Variants in BRAT1 observed in about 807,000 individuals in gnomAD.
The protein encoded by BRAT1 is BRCA1 associated ATM activator 1, also known as integrator complex assembly factor BRAT1.
A neutral mutation model predicts 70.6 loss-of-function variants in BRAT1; 74 were observed. The ratio of observed to expected loss-of-function variants is 1.05; its 90% CI spans 0.87 to 1.27. BRAT1 has a LOEUF of 1.27. Among genes scored for constraint, BRAT1 ranks in the 50% most tolerant of loss-of-function variants. BRAT1 has a pLI of 0.00. For missense variants in BRAT1, 1,203 were observed against 1,098.2 expected, an observed-to-expected ratio of 1.10 and a Z score of -1.35; for synonymous variants, 615 against 517.1, an observed-to-expected ratio of 1.19 and a Z score of -2.57.
In BRAT1 at chr7:2,547,379, G is replaced by A; in HGVS notation, c.227C>T (p.Ser76Leu). The A allele has an allele frequency of 6.2e-7, 1 of 1,614,146 alleles. No individual in the cohort carries two copies. Among genetic ancestry groups the A allele is most frequent in the Non-Finnish European group, 8.5e-7 (1 of 1,180,032 alleles). ...QDLSSGVLSF[S>L]LRLAGTFAAQ... ...TGCGAAGGTTCCTGCCAGGCGCAGT[G>A]AGAAGGAGAGGACCCCAGAACTCAG... Residue 76 changes from serine to leucine, a missense_variant, in exon 3 of 14, where the codon TCA (serine) becomes TTA (leucine). Physicochemically the swap from Ser to Leu is moderately radical, Grantham distance 145. Coordinates refer to ENST00000340611, the MANE Select transcript of BRAT1 (RefSeq NM_152743.4).
chr7:2,541,566 G>C, intron 8 of BRAT1, 82 bp from the exon 9 acceptor site: 1 of 1,472,402 alleles, frequency 6.8e-7, no homozygotes, highest in Non-Finnish European at 9.1e-7. Context: ...CGAGGCATGT[G>C]GGGCGGGGGA....
At chr7:2,542,332 C>G in intron 6 of BRAT1, 121 bp from the exon 7 acceptor site, 2 of 820,374 alleles carry the variant, frequency 2.4e-6, no homozygotes, top group South Asian at 3.1e-5. Flanking sequence ...CCCCGAGAAA[C>G]ATTCTCTGCA....
At position 2,543,412 on chromosome 7, in the gene BRAT1, G is replaced by T; in HGVS notation, c.804-89C>A. On this transcript the variant is annotated intron_variant, in intron 5 of 13. Transcript: ENST00000340611. The surrounding 1 kb of genome is among the most constrained non-coding windows in gnomAD (Gnocchi z 5.5). ...CTGAGACTGCCATGGCTCCGGCACT[G>T]GAGGCGCCCAGCCCAAGACAGGCCT... 1.3e-6 allele frequency: 2 copies of T among 1,498,488 alleles called. No homozygotes were observed. The highest frequency in any genetic ancestry group is 1.8e-6 in the Non-Finnish European group (2 of 1,126,866). The allele number at this position is 1,498,488 out of a possible 1,614,324, so 92.8% of individuals were successfully genotyped here.
At position 2,538,251 on chromosome 7, in the gene BRAT1, G is replaced by T; in HGVS notation, c.2284C>A (p.Gln762Lys). 6.2e-7 allele frequency: 1 copy of T among 1,610,552 alleles called. No homozygotes were observed. The highest frequency in any genetic ancestry group is 1.7e-5 in the Admixed American group (1 of 59,930). ...TCAGGCTCCTGGTCCCCTGGGGGCTGGGCCTGCTCACCCGCCCGCCACCTC... is the reference window on the plus strand; with the variant it reads ...TCAGGCTCCTGGTCCCCTGGGGGCTTGGCCTGCTCACCCGCCCGCCACCTC... ...LPRWRAGEQAQPPGDQEPEAV... is the reference protein window; with the variant it reads ...LPRWRAGEQAKPPGDQEPEAV... Residue 762 changes from glutamine to lysine, a missense_variant, in exon 14 of 14, where the codon CAG becomes AAG. Coordinates refer to ENST00000340611, the MANE Select transcript of BRAT1 (RefSeq NM_152743.4).
Position 2,543,838 on chromosome 7 carries a change from G to A in BRAT1, c.555C>T (p.Cys185=). The A allele has an allele frequency of 3.7e-6, 6 of 1,612,808 alleles. No individual in the cohort carries two copies. In the East Asian group the frequency reaches 8.9e-5, roughly 24 times the overall value. Residue 185 remains cysteine, a synonymous_variant, in exon 5 of 14, where the codon TGC becomes TGT. Transcript: ENST00000340611. This position sits in a 1 kb window ranked among gnomAD's most constrained non-coding sequence, Gnocchi z 5.5. Reference sequence around the variant, plus strand: ...ACGCGGGCCAGTCACCCCCCGGCAGGCAGGGCTGCCCCTCGGCTCCACCTC... The same window carrying A: ...ACGCGGGCCAGTCACCCCCCGGCAGACAGGGCTGCCCCTCGGCTCCACCTC... ...SMRGGAEGQP[C]LPGGDWPACA...
rs577846898 is a variant in BRAT1 at position 2,549,436 on chromosome 7, C to T, written c.128-1958G>A. ...AGGCTGCAGTGAGCCGTGATTACAC[C>T]ACTGTCCTGGACAACAGCACAAGAA... On this transcript the variant is annotated intron_variant, in intron 2 of 13. Coordinates refer to ENST00000340611, the MANE Select transcript of BRAT1 (RefSeq NM_152743.4). Among the ~76,000 whole-genome samples, 6 of 152,184 alleles carry T rather than the reference C, an allele frequency of 3.9e-5. No homozygotes were observed. The South Asian group carries it at 1.2e-3, about 32-fold the overall frequency.
chr7:2,549,568 G>C (rs958781835), intron 2 of BRAT1, among the ~76,000 whole-genome samples: 2 of 151,992 alleles, frequency 1.3e-5, no homozygotes, highest in Non-Finnish European at 2.9e-5. Flanking sequence ...GGGCAGAAAA[G>C]GAGGATAAAG....
rs775657871 is a variant in BRAT1, at chr7:2,541,472, A to T, written c.1147T>A (p.Ser383Thr). 6.5e-7 allele frequency: 1 copy of T among 1,548,254 alleles called. No homozygotes were observed. Among genetic ancestry groups the T allele is most frequent in the Non-Finnish European group, 8.7e-7 (1 of 1,146,578 alleles). Residue 383 changes from serine to threonine, a missense_variant, in exon 9 of 14, where the codon TCA becomes ACA. Transcript: ENST00000340611. ...AGTAGAGACGCCTGGGGCCACGGTG[A>T]AGGGCGCTGGGGCTGCGAGGAAGAG... ...EELQPLPQRP[S>T]PWPQASLLGA...
rs150300694 is a variant in BRAT1 at position 2,538,366 on chromosome 7, A to G, written c.2169T>C (p.Leu723=). Reference sequence around the variant, plus strand: ...AAGCAATCTTGTCCCTCAGGAAGAGAAGGAGGTCACAAGACTTCTGCGCCA... The same window carrying G: ...AAGCAATCTTGTCCCTCAGGAAGAGGAGGAGGTCACAAGACTTCTGCGCCA... The part of the protein sequence containing the change: ...RPVAQKSCDL[L]LFLRDKIASY... Residue 723 remains leucine, a synonymous_variant, in exon 14 of 14, where the codon CTT becomes CTC. Coordinates refer to ENST00000340611, the MANE Select transcript of BRAT1 (RefSeq NM_152743.4). 99 of 1,613,464 alleles carry G rather than the reference A, an allele frequency of 6.1e-5. No homozygotes were observed. In the African/African-American group the frequency reaches 9.5e-4, roughly 15 times the overall value.
At chr7:2,553,791 G>A (rs1174305914) in intron 2 of BRAT1, among the ~76,000 whole-genome samples, 4 of 151,016 alleles carry the variant, frequency 2.6e-5, no homozygotes, top group African/African-American at 7.3e-5. Context: ...CTACAGGTGC[G>A]CCACCAGGCA....
chr7:2,539,166 T>C lies in BRAT1; in HGVS notation c.1770+13A>G, dbSNP rs368492447. ...GGCGGGAGTTGCTGGCTGAGGAACC[T>C]GCCACCTCCTACCTGCCGGGCCTCT... is the stretch of plus-strand genomic sequence containing the variant. On this transcript the variant is annotated intron_variant, in intron 13 of 13. Coordinates refer to ENST00000340611, the MANE Select transcript of BRAT1 (RefSeq NM_152743.4). 2.1e-4 allele frequency: 329 copies of C among 1,583,998 alleles called. 4 individuals carry two copies. In the African/African-American group the frequency reaches 4.0e-3, roughly 19 times the overall value.
intron 2 of BRAT1, among the ~76,000 whole-genome samples, chr7:2,553,649 G>GC (rs1780200809): frequency 7.0e-6 from 1 of 142,628 alleles, no homozygotes; most frequent in Non-Finnish European, 1.5e-5. Context: ...GTATTACTTT[G>GC]TTTTTTTTTT....
intron 7 of BRAT1, 71 bp downstream of exon 7, chr7:2,542,049 C>G (rs1779213413): frequency 7.2e-7 from 1 of 1,388,484 alleles, no homozygotes; most frequent in Non-Finnish European, 9.6e-7. Flanking sequence ...GCCAGCTACT[C>G]TCATCCATCT....
In BRAT1 at chr7:2,540,142, A is replaced by T. The variant is rs1054577652; in HGVS notation, c.1396-254T>A. ...CAAACAGTCCTCCTGCCTCAGCCTC[A>T]TGAGTAGCTGGGGCTAGAGGCACAC... On this transcript the variant is annotated intron_variant, in intron 10 of 13. Coordinates refer to ENST00000340611, the MANE Select transcript of BRAT1 (RefSeq NM_152743.4). 10 of 448,540 alleles carry T rather than the reference A, an allele frequency of 2.2e-5. No homozygotes were observed. The Admixed American group carries it at 3.5e-4, about 16-fold the overall frequency. 27.8% of individuals were successfully genotyped at this position (448,540 alleles called of 1,614,324 possible).
intron 2 of BRAT1, among the ~76,000 whole-genome samples, chr7:2,548,701 G>A (rs1268080214): frequency 1.3e-5 from 2 of 150,274 alleles, no homozygotes; most frequent in African/African-American, 2.5e-5. Flanking sequence ...GGTGGCTCAC[G>A]CCTGTAATCC....
At position 2,543,770 on chromosome 7, in the gene BRAT1, G is replaced by A; in HGVS notation, c.623C>T (p.Ser208Phe). The A allele has an allele frequency of 6.2e-7, 1 of 1,608,806 alleles. No homozygotes were observed. Among genetic ancestry groups the A allele is most frequent in the Non-Finnish European group, 8.5e-7 (1 of 1,176,486 alleles). The change falls in exon 5 of 14, where the codon TCC (serine) becomes TTC (phenylalanine). Residue 208 changes from serine (S) to phenylalanine (F), a missense_variant. Coordinates refer to ENST00000340611, the MANE Select transcript of BRAT1 (RefSeq NM_152743.4). The surrounding 1 kb of genome is among the most constrained non-coding windows in gnomAD (Gnocchi z 5.5). ...CTGAGTGACCTTGGGGGTGGCCGCGGAGCACAAGGACTCTTCAACGTGATC... is the reference window on the plus strand; with the variant it reads ...CTGAGTGACCTTGGGGGTGGCCGCGAAGCACAAGGACTCTTCAACGTGATC... ...IMDHVEESLC[S>F]AATPKVTQAL... is the part of the protein sequence containing the mutation.
At chr7:2,553,927 A>T (rs1455809754) in intron 2 of BRAT1, among the ~76,000 whole-genome samples, 1 of 151,938 alleles carries the variant, frequency 6.6e-6, no homozygotes, top group Admixed American at 6.6e-5. Context: ...GATTACAGGT[A>T]TGAGCCACTG....
rs778795414 is a variant in BRAT1 at position 2,539,649 on chromosome 7, T to A, written c.1499-7A>T. On this transcript the variant is annotated splice_polypyrimidine_tract_variant and splice_region_variant and intron_variant, in intron 11 of 13. Transcript: ENST00000340611. The stretch of plus-strand genomic sequence containing the variant: ...TGCAGCACAGGGAACAGCTCTAGGG[T>A]GGGAAGGGACAGGTCAGGGTGACCT... 3.2e-6 allele frequency: 5 copies of A among 1,586,374 alleles called. No individual in the cohort carries two copies. The South Asian group carries it at 3.4e-5, about 11-fold the overall frequency.
chr7:2,541,164 C>T (rs990513635), intron 9 of BRAT1, 112 bp from the exon 10 acceptor site: 27 of 1,413,806 alleles, frequency 1.9e-5, no homozygotes, highest in Non-Finnish European at 2.3e-5. Context: ...ACCTCCTGCA[C>T]GGCCCCTGCA....
Sources: allele counts gnomAD v4.1 joint callset (sites outside exome capture counted in the v4.1 genomes callset), GRCh38; gene constraint gnomAD v4.1.1; non-coding constraint Gnocchi (gnomAD v3.1); transcripts MANE v1.5; gene names NCBI Gene and HGNC (gene_info 2026-07-23, HGNC 2026-07-21).